The following DNAH11 variants were observed in gnomAD, a reference collection of about 807,000 sequenced individuals.
DNAH11 encodes the protein dynein axonemal heavy chain 11.
Under a neutral mutation model 526.0 loss-of-function variants are expected in DNAH11, and 442 were observed. The ratio of observed to expected loss-of-function variants is 0.84; its 90% CI spans 0.78 to 0.91. The LOEUF (loss-of-function observed/expected upper bound fraction) is 0.91. Among genes scored for constraint, DNAH11 ranks in the 40% least tolerant of loss-of-function variants. The probability of loss-of-function intolerance (pLI) is 0.00; values close to 1 mark genes in which losing one functional copy is unlikely to be tolerated. For synonymous variants in DNAH11, 2,461 were observed against 1,935.9 expected (o/e 1.27, Z -7.12); for missense variants, 6,989 against 5,448.7 (o/e 1.28, Z -8.90).
At chr7:21,812,093 A>C (rs1033361443) in intron 63 of DNAH11, among the ~76,000 whole-genome samples, 23 of 152,302 alleles carry the variant, frequency 1.5e-4, no homozygotes, top group Middle Eastern at 3.4e-3. Flanking sequence ...AAGGAAATAC[A>C]GTGCTTTAAC....
At chr7:21,867,407 A>G (rs186646127) in intron 71 of DNAH11, among the ~76,000 whole-genome samples, 1 of 152,212 alleles carries the variant, frequency 6.6e-6, no homozygotes, top group Non-Finnish European at 1.5e-5. Context: ...GCTAAATCTG[A>G]TGCTGCTGGA....
Position 21,894,966 on chromosome 7 carries a change from T to C in DNAH11, c.13016T>C (p.Leu4339Pro), listed in dbSNP as rs753230841. 1.9e-6 allele frequency: 3 copies of C among 1,613,998 alleles called. No individual in the cohort carries two copies. Among genetic ancestry groups the C allele is most frequent in the Non-Finnish European group, 8.5e-7 (1 of 1,179,896 alleles). ...YDTVPDTWSK[L>P]AYPSTYGLAQ... is the part of the protein sequence containing the mutation. ...ACGGTACCAGACACTTGGAGCAAAC[T>C]GGCTTATCCTTCTACTTATGGCCTA... is the stretch of plus-strand genomic sequence containing the variant. The change falls in exon 79 of 82, where the codon CTG becomes CCG. Residue 4339 changes from leucine (L) to proline (P), a missense_variant. By Grantham distance (98) the Leu-to-Pro change is moderately conservative. Coordinates refer to ENST00000409508, the MANE Select transcript of DNAH11 (RefSeq NM_001277115.2).
chr7:21,696,661 G>A (rs988366962), intron 35 of DNAH11, among the ~76,000 whole-genome samples: 5 of 152,006 alleles, frequency 3.3e-5, no homozygotes, highest in East Asian at 1.9e-4. Flanking sequence ...AATGGGTGAC[G>A]AAAGCATTAC....
intron 2 of DNAH11, among the ~76,000 whole-genome samples, chr7:21,556,643 G>A (rs767805333): frequency 3.9e-5 from 6 of 152,102 alleles, no homozygotes; most frequent in African/African-American, 9.7e-5. Flanking sequence ...CATAGTATCC[G>A]ATAGGCAGTT....
At chr7:21,654,514 T>A (rs1176378208) in intron 28 of DNAH11, among the ~76,000 whole-genome samples, 1 of 152,224 alleles carries the variant, frequency 6.6e-6, no homozygotes, top group Non-Finnish European at 1.5e-5. Flanking sequence ...TGTTTCCGCC[T>A]TTTGGCTATT....
intron 74 of DNAH11, among the ~76,000 whole-genome samples, chr7:21,875,946 C>T (rs943586180): frequency 1.5e-5 from 2 of 131,812 alleles, no homozygotes; most frequent in East Asian, 2.3e-4. Context: ...TGCAGTGGTA[C>T]GATCTCGGCT....
chr7:21,738,572 T>C, intron 46 of DNAH11, 129 bp from the exon 47 acceptor site: 1 of 884,178 alleles, frequency 1.1e-6, no homozygotes, highest in Non-Finnish European at 1.7e-6. Flanking sequence ...TCTCTTAACC[T>C]ATGAAGGGGC....
chr7:21,839,076 T>C (rs1023389413), intron 65 of DNAH11, among the ~76,000 whole-genome samples: 2 of 152,210 alleles, frequency 1.3e-5, no homozygotes, highest in Non-Finnish European at 2.9e-5. Context: ...TTGATTTGCA[T>C]TTCCCTGGTG....
At chr7:21,812,393 G>A (rs368738399) in intron 63 of DNAH11, among the ~76,000 whole-genome samples, 6 of 152,192 alleles carry the variant, frequency 3.9e-5, no homozygotes, top group East Asian at 1.9e-4. Flanking sequence ...TGAACTGTCC[G>A]CCGGGTGTGG....
intron 28 of DNAH11, among the ~76,000 whole-genome samples, chr7:21,650,979 C>G (rs35870531): frequency 0.035 from 5,298 of 151,064 alleles, 128 homozygotes; most frequent in Non-Finnish European, 0.053. Context: ...ACACATGCAA[C>G]TATTTACTAT....
intron 6 of DNAH11, 97 bp from the exon 7 acceptor site, chr7:21,569,972 T>C: frequency 1.0e-6 from 1 of 988,298 alleles, no homozygotes; most frequent in Non-Finnish European, 1.5e-6. Flanking sequence ...CAACTTTAGA[T>C]ACTGGCATTT....
rs770973105 is a variant in DNAH11, at chr7:21,600,875, A to G, written c.3200A>G (p.His1067Arg). 5 of 1,613,958 alleles carry G rather than the reference A, an allele frequency of 3.1e-6. No homozygotes were observed. The highest frequency in any genetic ancestry group is 1.7e-5 in the Admixed American group (1 of 60,012). ...GTGTCTTCCGATGAAATGGATGCTC[A>G]TGCAAATGAAGAAATTCCCGAACAA... ...HAVSSDEMDA[H>R]ANEEIPEQPP... The change falls in exon 16 of 82, where the codon CAT becomes CGT. Residue 1067 changes from histidine (H) to arginine (R), a missense_variant. Transcript: ENST00000409508.
chr7:21,832,242 G>C (rs748102275), intron 65 of DNAH11, among the ~76,000 whole-genome samples: 2 of 152,104 alleles, frequency 1.3e-5, no homozygotes, highest in Admixed American at 6.5e-5. Flanking sequence ...TGGTTGTTTT[G>C]CCTGTTAGTT....
chr7:21,567,856 G>C (rs1783737103), intron 6 of DNAH11, among the ~76,000 whole-genome samples: 1 of 152,232 alleles, frequency 6.6e-6, no homozygotes, highest in South Asian at 2.1e-4. Context: ...GCTAGCACAG[G>C]CTTTGGTAGT....
chr7:21,663,608 G>A (rs990818146), intron 30 of DNAH11, among the ~76,000 whole-genome samples: 1 of 151,832 alleles, frequency 6.6e-6, no homozygotes, highest in Admixed American at 6.6e-5. Context: ...TTTGGTTTTT[G>A]TATAACTTCT....
chr7:21,704,374 G>T (rs1323088705), intron 37 of DNAH11, 60 bp from the exon 38 acceptor site: 2 of 1,491,324 alleles, frequency 1.3e-6, no homozygotes, highest in East Asian at 2.4e-5. Flanking sequence ...AACATCTTTA[G>T]TTTTTTAGGT....
intron 80 of DNAH11, 30 bp downstream of exon 80, chr7:21,899,478 G>A (rs1045903397): frequency 1.3e-6 from 2 of 1,545,764 alleles, no homozygotes; most frequent in African/African-American, 1.4e-5. Context: ...AGCCCCTGAT[G>A]CACACAGGAC....
Position 21,753,660 on chromosome 7 carries a change from TTC to T in DNAH11, c.8940+3300_8940+3301del, listed in dbSNP as rs1172088417. ...CATATTAATTGTGTCTGTTTCTAAA[TTC>T]TCTGTTCTCTTTTCTTGTTAACTGT... On this transcript the variant is annotated intron_variant, in intron 54 of 81. Coordinates refer to ENST00000409508, the MANE Select transcript of DNAH11 (RefSeq NM_001277115.2). Among the ~76,000 whole-genome samples the T allele has an allele frequency of 3.9e-5, 6 of 152,356 alleles. No individual in the cohort carries two copies. In the Middle Eastern group the frequency reaches 0.01, roughly 259 times the overall value.
chr7:21,543,683 G>A (rs1782679424), intron 1 of DNAH11, 87 bp downstream of exon 1: 2 of 1,428,480 alleles, frequency 1.4e-6, no homozygotes, highest in Non-Finnish European at 1.9e-6. Context: ...GATTCCCGCG[G>A]GGCGCTCACT....
Sources: gnomAD v4.1 joint callset for allele counts (sites outside exome capture counted in the v4.1 genomes callset) on GRCh38, gnomAD v4.1.1 for gene constraint, MANE v1.5 for transcripts, NCBI Gene and HGNC (gene_info 2026-07-23, HGNC 2026-07-21) for gene names.